The following CPB1 variants were observed in gnomAD, a reference collection of about 807,000 sequenced individuals.
CPB1 encodes the protein carboxypeptidase B.
Under a neutral mutation model 51.4 loss-of-function variants are expected in CPB1, and 53 were observed. The ratio of observed to expected loss-of-function variants is 1.03; its 90% CI spans 0.83 to 1.30. The LOEUF (loss-of-function observed/expected upper bound fraction) is 1.30, where lower values mean the gene tolerates loss of function less well. Among genes scored for constraint, CPB1 ranks in the 50% most tolerant of loss-of-function variants. The pLI, the probability that CPB1 is intolerant of heterozygous loss-of-function variation, is 0.00. For synonymous variants in CPB1, 189 were observed against 186.9 expected (o/e 1.01, Z -0.09); for missense variants, 494 against 516.2 (o/e 0.96, Z 0.42).
chr3:148,853,928 T>A (rs1713500776), intron 9 of CPB1, among the ~76,000 whole-genome samples: 1 of 152,202 alleles, frequency 6.6e-6, no homozygotes, highest in Non-Finnish European at 1.5e-5. Flanking sequence ...TTTATGTAAA[T>A]GTTAGTTCTG....
intron 9 of CPB1, among the ~76,000 whole-genome samples, chr3:148,846,839 A>ATATG (rs1713266131): frequency 8.5e-6 from 1 of 118,310 alleles, no homozygotes; most frequent in Non-Finnish European, 1.7e-5. Context: ...ATATATATAT[A>ATATG]TATGTTAGCA....
intron 3 of CPB1, among the ~76,000 whole-genome samples, chr3:148,839,299 A>G (rs1713004417): frequency 6.6e-6 from 1 of 152,158 alleles, no homozygotes; most frequent in South Asian, 2.1e-4. Context: ...CCCTGTTGAT[A>G]ACTCTTTTTT....
At chr3:148,829,977 A>T (rs1156959625) in intron 2 of CPB1, among the ~76,000 whole-genome samples, 2 of 152,200 alleles carry the variant, frequency 1.3e-5, no homozygotes, top group African/African-American at 4.8e-5. Flanking sequence ...CAAATGCTTT[A>T]CTAAGATCAA....
In CPB1 at chr3:148,845,327, A is replaced by G. The variant is rs6769802; in HGVS notation, c.779-97A>G. ...CAACTTTAAGGACTCCTTGATAAGG[A>G]CTCCTATGAAAACAACTCCCTAATT... is the stretch of plus-strand genomic sequence containing the variant. On this transcript the variant is annotated intron_variant, in intron 8 of 10. Coordinates refer to ENST00000282957, the MANE Select transcript of CPB1 (RefSeq NM_001871.3). 3.4e-3 allele frequency: 3,272 copies of G among 964,464 alleles called. 57 individuals are homozygous for G. The African/African-American group carries it at 0.047, about 14-fold the overall frequency. 59.7% of individuals were successfully genotyped at this position (964,464 alleles called of 1,614,324 possible). A position where few individuals can be genotyped will look rare whatever the true frequency, so the allele number is the denominator to read the frequency against.
At chr3:148,839,928 T>TCACA (rs917097406) in intron 3 of CPB1, among the ~76,000 whole-genome samples, 2 of 151,112 alleles carry the variant, frequency 1.3e-5, no homozygotes, top group African/African-American at 2.4e-5. Flanking sequence ...GGAAGTGAAG[T>TCACA]CACACACACA....
Position 148,845,540 on chromosome 3 carries a change from G to C in CPB1, c.895G>C (p.Ala299Pro), listed in dbSNP as rs1294963990. Residue 299 changes from alanine to proline, a missense_variant, in exon 9 of 11, where the codon GCA becomes CCA. Physicochemically the swap from Ala to Pro is conservative, Grantham distance 27. Transcript: ENST00000282957. ...CCGCAACAAACTCTCTTCCATCAAGGCATATCTGACAATCCACTCGTACTC... is the reference window on the plus strand; with the variant it reads ...CCGCAACAAACTCTCTTCCATCAAGCCATATCTGACAATCCACTCGTACTC... ...FIRNKLSSIK[A>P]YLTIHSYSQM... 6.2e-7 allele frequency: 1 copy of C among 1,613,884 alleles called. No individual in the cohort carries two copies. The highest frequency in any genetic ancestry group is 8.5e-7 in the Non-Finnish European group (1 of 1,179,850).
intron 10 of CPB1, among the ~76,000 whole-genome samples, chr3:148,859,234 A>G: frequency 6.6e-6 from 1 of 152,228 alleles, no homozygotes; most frequent in East Asian, 1.9e-4. Context: ...TTGTTGATTG[A>G]AAAAACAGAT....
At chr3:148,857,654 C>T (rs1356259) in intron 10 of CPB1, 113 bp downstream of exon 10, 269,774 of 500,296 alleles carry the variant, frequency 0.54, 74,418 homozygotes, top group Middle Eastern at 0.71. Flanking sequence ...TGCCTCACAG[C>T]AAATTTTTCT....
intron 9 of CPB1, chr3:148,856,280 A>G (rs985339590): frequency 6.6e-6 from 1 of 152,228 alleles, no homozygotes; most frequent in African/African-American, 2.4e-5. Flanking sequence ...TACATTTAAT[A>G]ACTCTTTTTA....
chr3:148,846,666 TG>T (rs2108017466), intron 9 of CPB1, among the ~76,000 whole-genome samples: 1 of 149,444 alleles, frequency 6.7e-6, no homozygotes, highest in East Asian at 2.0e-4. Flanking sequence ...AATAGTTGGA[TG>T]GGCCCTTTTC....
chr3:148,846,259 A>C (rs2108017285), intron 9 of CPB1, among the ~76,000 whole-genome samples: 1 of 152,288 alleles, frequency 6.6e-6, no homozygotes, highest in South Asian at 2.1e-4. Flanking sequence ...TCAAGACATA[A>C]TCACTTGAGC....
At chr3:148,839,166 T>C (rs1439302072) in intron 3 of CPB1, among the ~76,000 whole-genome samples, 3 of 152,148 alleles carry the variant, frequency 2.0e-5, no homozygotes, top group Non-Finnish European at 4.4e-5. Context: ...GTCACAGTGA[T>C]TGGATGTGAG....
intron 9 of CPB1, among the ~76,000 whole-genome samples, chr3:148,850,673 T>TA (rs1713401026): frequency 6.6e-6 from 1 of 152,178 alleles, no homozygotes; most frequent in African/African-American, 2.4e-5. Context: ...AGATTATAAC[T>TA]AAAGATAAAC....
At chr3:148,849,903 T>A (rs1380403460) in intron 9 of CPB1, among the ~76,000 whole-genome samples, 2 of 152,230 alleles carry the variant, frequency 1.3e-5, no homozygotes, top group Non-Finnish European at 2.9e-5. Context: ...TGCCTCAATT[T>A]CCAAAGACAC....
chr3:148,838,216 C>A (rs910544093), intron 3 of CPB1: 4 of 152,120 alleles, frequency 2.6e-5, no homozygotes, highest in African/African-American at 7.2e-5. Flanking sequence ...CCACTGCACT[C>A]CAGCCTGGGC....
At chr3:148,852,276 GC>G (rs1327483334) in intron 9 of CPB1, among the ~76,000 whole-genome samples, 1 of 151,588 alleles carries the variant, frequency 6.6e-6, no homozygotes. Flanking sequence ...AACTAATTTT[GC>G]CCCCCACTCC....
rs144792185 is a variant in CPB1 at position 148,847,801 on chromosome 3, A to G, written c.981+2175A>G. Among the ~76,000 whole-genome samples the G allele has an allele frequency of 2.0e-5, 3 of 152,322 alleles. No homozygotes were observed. The East Asian group carries it at 5.8e-4, about 29-fold the overall frequency. On this transcript the variant is annotated intron_variant, in intron 9 of 10. Transcript: ENST00000282957. ...ACACATACAAAACTAAAAAGTTCAAATAAAAATACATGCCACTTTTATCTT... is the reference window on the plus strand; with the variant it reads ...ACACATACAAAACTAAAAAGTTCAAGTAAAAATACATGCCACTTTTATCTT...
intron 9 of CPB1, chr3:148,854,043 T>C (rs1388918802): frequency 6.6e-6 from 1 of 152,238 alleles, no homozygotes; most frequent in East Asian, 1.9e-4. Context: ...TTCTCTGCTG[T>C]GTCGTTGCTT....
At chr3:148,850,703 A>C (rs1183075689) in intron 9 of CPB1, among the ~76,000 whole-genome samples, 1 of 152,198 alleles carries the variant, frequency 6.6e-6, no homozygotes, top group African/African-American at 2.4e-5. Context: ...AGAGGGAAGA[A>C]ATATTGTGAT....
Sources: gnomAD v4.1 joint callset for allele counts (sites outside exome capture counted in the v4.1 genomes callset) on GRCh38, gnomAD v4.1.1 for gene constraint, MANE v1.5 for transcripts, NCBI Gene and HGNC (gene_info 2026-07-23, HGNC 2026-07-21) for gene names.